Variants in CEP164 observed in about 807,000 individuals in gnomAD.
CEP164 encodes centrosomal protein of 164 kDa.
Under a neutral mutation model 182.7 loss-of-function variants are expected in CEP164, and 162 were observed. The ratio of observed to expected loss-of-function variants is 0.89; its 90% CI spans 0.78 to 1.01. CEP164 has a LOEUF of 1.01. Ranked by LOEUF, CEP164 falls within the 50% of genes least tolerant of loss-of-function variation. CEP164 has a pLI of 0.00. For missense variants in CEP164, 1,735 were observed against 1,790.4 expected, an observed-to-expected ratio of 0.97 and a Z score of 0.56; for synonymous variants, 661 against 690.0, an observed-to-expected ratio of 0.96 and a Z score of 0.66.
rs537793118 is a variant in CEP164 at position 117,402,281 on chromosome 11, G to A, written c.3501+4968G>A. ...CTGTCACCCAGGCTGGAGTGCAGTG[G>A]CATGATCTTGGCTCACGCAAACTCT... On this transcript the variant is annotated intron_variant, in intron 27 of 32. Transcript: ENST00000278935. 2.6e-5 allele frequency among the ~76,000 whole-genome samples: 4 copies of A among 151,732 alleles called. No individual in the cohort carries two copies. In the South Asian group the frequency reaches 8.4e-4, roughly 32 times the overall value.
At chr11:117,339,008 G>A (rs936958141) in intron 3 of CEP164, among the ~76,000 whole-genome samples, 1 of 151,682 alleles carries the variant, frequency 6.6e-6, no homozygotes, top group East Asian at 1.9e-4. Flanking sequence ...TAGTAGAGAC[G>A]GGTTTCACCA....
chr11:117,369,505 C>G (rs367707207), intron 8 of CEP164, among the ~76,000 whole-genome samples: 2 of 152,170 alleles, frequency 1.3e-5, no homozygotes, highest in Admixed American at 1.3e-4. Flanking sequence ...TCAGTGGGCT[C>G]TCAGGCTTGC....
intron 4 of CEP164, among the ~76,000 whole-genome samples, chr11:117,345,761 A>C (rs1462095977): frequency 1.3e-5 from 2 of 151,494 alleles, no homozygotes; most frequent in Non-Finnish European, 2.9e-5. Flanking sequence ...ATCTCGGCTC[A>C]CTGCAACCTC....
rs76470566 is a variant in CEP164, at chr11:117,381,519, A to C, written c.1410-182A>C. Among the ~76,000 whole-genome samples the C allele has an allele frequency of 6.4e-3, 968 of 152,212 alleles. 12 individuals are homozygous for C. The highest frequency in any genetic ancestry group is 0.021 in the African/African-American group (883 of 41,532). ...AAAAGGAGGGCTCAGGAGGGAGTCT[A>C]TCCTTCCCACATGTGTGGCTGCCTT... On this transcript the variant is annotated intron_variant, in intron 12 of 32. Coordinates refer to ENST00000278935, the MANE Select transcript of CEP164 (RefSeq NM_014956.5).
intron 30 of CEP164, 73 bp downstream of exon 30, chr11:117,410,038 C>T: frequency 7.4e-7 from 1 of 1,348,202 alleles, no homozygotes; most frequent in Non-Finnish European, 1.1e-6. Context: ...CTTCTACCCT[C>T]TTTCTCCTGC....
intron 27 of CEP164, among the ~76,000 whole-genome samples, chr11:117,405,351 G>A (rs983785798): frequency 2.6e-5 from 4 of 152,148 alleles, no homozygotes; most frequent in Admixed American, 6.5e-5. Flanking sequence ...TATCTGGGCC[G>A]GAATGCACTG....
Position 117,362,443 on chromosome 11 carries a change from C to T in CEP164, c.592C>T (p.Leu198Phe). ...GLKTSAYTKG[L>F]LGSIYEDKTA... ...CAAGACCTCTGCTTATACAAAGGGT[C>T]TCTTGGGCTCCATATATGAGGACAA... The change falls in exon 7 of 33, where the codon CTC becomes TTC. Residue 198 changes from leucine (L) to phenylalanine (F), a missense_variant. Transcript: ENST00000278935. 6.2e-7 allele frequency: 1 copy of T among 1,613,740 alleles called. No individual in the cohort carries two copies.
In CEP164 at chr11:117,334,129, C is replaced by T. The variant is rs553663435; in HGVS notation, c.-97-1476C>T. 7.2e-5 allele frequency among the ~76,000 whole-genome samples: 11 copies of T among 152,314 alleles called. 1 individual carries two copies. In the South Asian group the frequency reaches 8.3e-4, roughly 11 times the overall value. On this transcript the variant is annotated intron_variant, in intron 1 of 32. Coordinates refer to ENST00000278935, the MANE Select transcript of CEP164 (RefSeq NM_014956.5). ...TGGTTTGTCTCCCTCCCTTCCCAGACGAGCTCAAGAGTAGCAGCAGCTGAA... is the reference window on the plus strand; with the variant it reads ...TGGTTTGTCTCCCTCCCTTCCCAGATGAGCTCAAGAGTAGCAGCAGCTGAA...
intron 2 of CEP164, among the ~76,000 whole-genome samples, chr11:117,337,416 G>A (rs989779483): frequency 6.7e-6 from 1 of 150,052 alleles, no homozygotes; most frequent in African/African-American, 2.5e-5. Context: ...TTCAATATGT[G>A]TATTTTTCTT....
At chr11:117,335,096 A>T (rs947408404) in intron 1 of CEP164, among the ~76,000 whole-genome samples, 2 of 152,132 alleles carry the variant, frequency 1.3e-5, no homozygotes, top group African/African-American at 4.8e-5. Context: ...TGACTCTGTA[A>T]GCCACCAGGC....
intron 27 of CEP164, among the ~76,000 whole-genome samples, chr11:117,398,785 G>A (rs559044187): frequency 3.0e-4 from 45 of 152,288 alleles, no homozygotes; most frequent in Admixed American, 5.2e-4. Flanking sequence ...ACACAGCATG[G>A]GGACCCTGGG....
At chr11:117,378,401 T>C (rs2042972457) in intron 11 of CEP164, among the ~76,000 whole-genome samples, 1 of 152,236 alleles carries the variant, frequency 6.6e-6, no homozygotes. Flanking sequence ...CTACCTAAAC[T>C]GCATGGTGAT....
At chr11:117,387,829 T>C (rs2044132782) in intron 15 of CEP164, among the ~76,000 whole-genome samples, 1 of 152,250 alleles carries the variant, frequency 6.6e-6, no homozygotes, top group South Asian at 2.1e-4. Flanking sequence ...TAGAAAATTA[T>C]TATTTTTAGA....
Position 117,344,173 on chromosome 11 carries a change from T to C in CEP164, c.90T>C (p.Leu30=), listed in dbSNP as rs746003598. The C allele has an allele frequency of 1.9e-6, 3 of 1,610,002 alleles. No individual in the cohort carries two copies. The highest frequency in any genetic ancestry group is 2.5e-6 in the Non-Finnish European group (3 of 1,177,774). Residue 30 remains leucine (L), a synonymous_variant, in exon 4 of 33, where the codon CTT becomes CTC. Transcript: ENST00000278935. ...ETYIPSEQEI[L]EFAREIGIDP... Reference sequence around the variant, plus strand: ...CTCTGCCTCTCCTTGCAGAAATTCTTGAATTTGCCCGGGAGATTGGTATTG... The same window carrying C: ...CTCTGCCTCTCCTTGCAGAAATTCTCGAATTTGCCCGGGAGATTGGTATTG...
intron 14 of CEP164, chr11:117,385,096 T>C (rs2043790299): frequency 6.6e-6 from 1 of 152,236 alleles, no homozygotes; most frequent in Non-Finnish European, 1.5e-5. Context: ...TCACAGTGTT[T>C]CTAGGTGCCA....
chr11:117,393,151 G>GCATGCACACA, intron 20 of CEP164, 25 bp downstream of exon 20: 2 of 1,607,004 alleles, frequency 1.2e-6, no homozygotes, highest in Non-Finnish European at 8.5e-7. Context: ...TCCCCTGCGC[G>GCATGCACACA]CATGCACACA....
At chr11:117,398,316 A>C (rs113714097) in intron 27 of CEP164, among the ~76,000 whole-genome samples, 1,685 of 152,314 alleles carry the variant, frequency 0.011, 28 homozygotes, top group African/African-American at 0.038. Context: ...CCAGAAGGCA[A>C]ACCCTTCCCA....
Position 117,361,389 on chromosome 11 carries a change from C to T in CEP164, c.394-446C>T, listed in dbSNP as rs542829743. On this transcript the variant is annotated intron_variant, in intron 5 of 32. Coordinates refer to ENST00000278935, the MANE Select transcript of CEP164 (RefSeq NM_014956.5). ...CCGAGTAGCTGGGACTATAGGCACC[C>T]GCCACCACGCCCGGCTAATTTTTGT... Among the ~76,000 whole-genome samples the T allele has an allele frequency of 1.5e-4, 23 of 149,220 alleles. No individual in the cohort carries two copies. In the South Asian group the frequency reaches 4.5e-3, roughly 29 times the overall value.
Position 117,367,069 on chromosome 11 carries a change from C to T in CEP164, c.765+3563C>T, listed in dbSNP as rs568865721. 4.6e-5 allele frequency among the ~76,000 whole-genome samples: 7 copies of T among 152,304 alleles called. No individual in the cohort carries two copies. The East Asian group carries it at 9.6e-4, about 21-fold the overall frequency. Reference sequence around the variant, plus strand: ...CAACGCTGTGTTGAGACTGAGGCCCCGCCTTTGCCTGCATTTCCCACAGAG... The same window carrying T: ...CAACGCTGTGTTGAGACTGAGGCCCTGCCTTTGCCTGCATTTCCCACAGAG... On this transcript the variant is annotated intron_variant, in intron 8 of 32. Transcript: ENST00000278935.
Sources: gnomAD v4.1 joint callset for allele counts (sites outside exome capture counted in the v4.1 genomes callset) on GRCh38, gnomAD v4.1.1 for gene constraint, MANE v1.5 for transcripts, NCBI Gene and HGNC (gene_info 2026-07-23, HGNC 2026-07-21) for gene names.